The following LTBP4 variants were observed in gnomAD, a reference collection of about 807,000 sequenced individuals.
LTBP4 encodes latent-transforming growth factor beta-binding protein 4.
A neutral mutation model predicts 180.2 loss-of-function variants in LTBP4; 93 were observed. The ratio of observed to expected loss-of-function variants is 0.52; its 90% confidence interval spans 0.44 to 0.61. The LOEUF (loss-of-function observed/expected upper bound fraction) is 0.61. LTBP4 is among the 20% of genes least tolerant of loss of function. The pLI is 0.00. For missense variants in LTBP4, 2,116 were observed against 2,256.5 expected (o/e 0.94, Z 1.26); for synonymous variants, 947 against 934.5 (o/e 1.01, Z -0.24).
chr19:40,610,699 T>C, intron 12 of LTBP4, 42 bp downstream of exon 12: 2 of 1,549,994 alleles, frequency 1.3e-6, no homozygotes, highest in East Asian at 4.5e-5. Flanking sequence ...GTGTGAGCGG[T>C]TGGGTAGAGC....
chr19:40,626,002 G>A lies in LTBP4; in HGVS notation c.3978G>A (p.Gln1326=), dbSNP rs755776920. 4.4e-6 allele frequency: 7 copies of A among 1,601,170 alleles called. No homozygotes were observed. The highest frequency in any genetic ancestry group is 6.0e-6 in the Non-Finnish European group (7 of 1,175,076). The stretch of plus-strand genomic sequence containing the variant: ...TGGACTGCGCCCTCTGCCCTGCGCA[G>A]GACTCAGGTGCTGGCACTGGCCTAG... The part of the protein sequence containing the change: ...WGMDCALCPA[Q]DSDDFEALCN... Residue 1326 remains glutamine, a synonymous_variant, in exon 27 of 30, where the codon CAG becomes CAA. Transcript: ENST00000396819.
Position 40,613,506 on chromosome 19 carries a change from G to C in LTBP4, c.2534G>C (p.Gly845Ala), listed in dbSNP as rs772023856. Residue 845 changes from glycine (G) to alanine (A), a missense_variant, in exon 17 of 30, where the codon GGA becomes GCA. Physicochemically the swap from Gly to Ala is moderately conservative, Grantham distance 60. This residue lies in a region of LTBP4 where 877 missense variants were observed against 873.6 expected (regional missense o/e 1.00). Transcript: ENST00000396819. This position sits in a 1 kb window ranked among gnomAD's most constrained non-coding sequence, Gnocchi z 5.0. The part of the protein sequence containing the change: ...ACTCAPGYRP[G>A]PRGASCLDVD... Reference sequence around the variant, plus strand: ...ACTTGTGCCCCTGGCTACCGACCCGGACCCCGCGGAGCCTCTTGCCTCGGT... The same window carrying C: ...ACTTGTGCCCCTGGCTACCGACCCGCACCCCGCGGAGCCTCTTGCCTCGGT... 35 of 1,574,906 alleles carry C rather than the reference G, an allele frequency of 2.2e-5. No homozygotes were observed. Among genetic ancestry groups the C allele is most frequent in the Non-Finnish European group, 2.8e-5 (33 of 1,161,250 alleles).
chr19:40,606,235 A>T lies in LTBP4; in HGVS notation c.796A>T (p.Asn266Tyr). The change falls in exon 5 of 30, where the codon AAC becomes TAC. Residue 266 changes from asparagine (N) to tyrosine (Y), a missense_variant and splice_region_variant. By Grantham distance (143) the Asn-to-Tyr change is moderately radical. This residue lies in a region of LTBP4 where 469 missense variants were observed against 532.5 expected (regional missense o/e 0.88). Coordinates refer to ENST00000396819, the MANE Select transcript of LTBP4 (RefSeq NM_001042545.2). ...DCQLCSERLG[N>Y]SERVSAPDGP... is the part of the protein sequence containing the mutation. ...CCACCCCTCTCCTCTCGCCACAGGGAACTCCGAAAGAGTGAGCGCCCCAGA... is the reference window on the plus strand; with the variant it reads ...CCACCCCTCTCCTCTCGCCACAGGGTACTCCGAAAGAGTGAGCGCCCCAGA... The T allele has an allele frequency of 6.3e-7, 1 of 1,586,604 alleles. No homozygotes were observed. The highest frequency in any genetic ancestry group is 1.2e-5 in the South Asian group (1 of 86,688).
At position 40,629,192 on chromosome 19, in the gene LTBP4, A is replaced by G. The variant is rs1383311289; in HGVS notation, c.4520-204A>G. Among the ~76,000 whole-genome samples the G allele has an allele frequency of 6.6e-6, 1 of 152,170 alleles. No homozygotes were observed. Among genetic ancestry groups the G allele is most frequent in the East Asian group, 1.9e-4 (1 of 5,188 alleles). On this transcript the variant is annotated intron_variant, in intron 29 of 29. Transcript: ENST00000396819. The surrounding 1 kb of genome is among the most constrained non-coding windows in gnomAD (Gnocchi z 4.5). ...AAATCCTAGTGCGGTATGGGCCACC[A>G]TATCCATCTTACAGAACACGAAACT...
At position 40,624,026 on chromosome 19, in the gene LTBP4, C is replaced by T. The variant is rs778231525; in HGVS notation, c.3776C>T (p.Pro1259Leu). Residue 1259 changes from proline (P) to leucine (L), a missense_variant, in exon 26 of 30, where the codon CCA (proline) becomes CTA (leucine). Pro to Leu is a moderately conservative substitution (Grantham distance 98). Transcript: ENST00000396819. ...TCTTATCACTGTACCTGCGAGCCCC[C>T]ACTGGTGCTGGATGGCTCGCAGCGC... ...VGSYHCTCEP[P>L]LVLDGSQRRC... 1.0e-5 allele frequency: 16 copies of T among 1,607,894 alleles called. No homozygotes were observed. The highest frequency in any genetic ancestry group is 1.3e-5 in the African/African-American group (1 of 74,840).
rs2081619131 is a variant in LTBP4, at chr19:40,625,277, TATATATATATATATATATATATA to T, written c.3833-579_3833-557del. ...TTATATATATATATATATATATATA[TATATATATATATATATATATATA>T]TATATATATATATATATTTTTTTTT... On this transcript the variant is annotated intron_variant, in intron 26 of 29. Transcript: ENST00000396819. Among the ~76,000 whole-genome samples the T allele has an allele frequency of 8.1e-3, 62 of 7,674 alleles. 13 individuals are homozygous for T. Among genetic ancestry groups the T allele is most frequent in the African/African-American group, 0.035 (56 of 1,606 alleles). 5.0% of individuals were successfully genotyped at this position (7,674 alleles called of 152,430 possible).
At chr19:40,627,461 A>C (rs1473069657) in intron 28 of LTBP4, 106 bp downstream of exon 28, 4 of 1,377,438 alleles carry the variant, frequency 2.9e-6, no homozygotes, top group Non-Finnish European at 3.8e-6. Context: ...CACAGGTGCA[A>C]CTGGAGAGAG....
In LTBP4 at chr19:40,629,154, T is replaced by C. The variant is rs2081658572; in HGVS notation, c.4520-242T>C. On this transcript the variant is annotated intron_variant, in intron 29 of 29. Coordinates refer to ENST00000396819, the MANE Select transcript of LTBP4 (RefSeq NM_001042545.2). The surrounding 1 kb of genome is among the most constrained non-coding windows in gnomAD (Gnocchi z 4.5). Reference sequence around the variant, plus strand: ...ATGAGCCACCGCGCCCGGCCATTATTATTTTCTTAACAAAATCCTAGTGCG... The same window carrying C: ...ATGAGCCACCGCGCCCGGCCATTATCATTTTCTTAACAAAATCCTAGTGCG... Among the ~76,000 whole-genome samples, 1 of 152,120 alleles carries C rather than the reference T, an allele frequency of 6.6e-6. No individual in the cohort carries two copies. The highest frequency in any genetic ancestry group is 2.1e-4 in the South Asian group (1 of 4,816).
Position 40,619,329 on chromosome 19 carries a change from G to T in LTBP4, c.3071-18G>T. ...TATAACCACTGAGTCCCTCTCCCCT[G>T]TTGTCTCCTGCTTACAGATGTGAAC... On this transcript the variant is annotated intron_variant, in intron 21 of 29. Transcript: ENST00000396819. The T allele has an allele frequency of 6.2e-7, 1 of 1,611,514 alleles. No individual in the cohort carries two copies. Among genetic ancestry groups the T allele is most frequent in the Non-Finnish European group, 8.5e-7 (1 of 1,178,074 alleles).
chr19:40,610,386 C>T, intron 11 of LTBP4, 146 bp from the exon 12 acceptor site: 4 of 901,250 alleles, frequency 4.4e-6, no homozygotes, highest in Non-Finnish European at 6.6e-6. Flanking sequence ...TCTCACTGTG[C>T]CCCTCTCCGG....
Position 40,610,628 on chromosome 19 carries a change from A to G in LTBP4, c.1781A>G (p.Gln594Arg). 1 of 1,586,606 alleles carries G rather than the reference A, an allele frequency of 6.3e-7. No homozygotes were observed. Among genetic ancestry groups the G allele is most frequent in the South Asian group, 1.1e-5 (1 of 89,132 alleles). Residue 594 changes from glutamine to arginine, a missense_variant, in exon 12 of 30, where the codon CAG becomes CGG. By Grantham distance (43) the Gln-to-Arg change is conservative. Transcript: ENST00000396819. ...SFLCVCPAGY[Q>R]AAPHGASCQD... Reference sequence around the variant, plus strand: ...CTGTGCGTGTGCCCCGCCGGGTACCAGGCTGCACCGCACGGAGCCAGCTGC... The same window carrying G: ...CTGTGCGTGTGCCCCGCCGGGTACCGGGCTGCACCGCACGGAGCCAGCTGC...
chr19:40,606,461 G>A lies in LTBP4; in HGVS notation c.926G>A (p.Arg309His). 6.3e-7 allele frequency: 1 copy of A among 1,585,110 alleles called. No homozygotes were observed. Among genetic ancestry groups the A allele is most frequent in the African/African-American group, 1.3e-5 (1 of 74,354 alleles). ...RCQHGECANTRGGYTCVCPDG... is the reference protein window; with the variant it reads ...RCQHGECANTHGGYTCVCPDG... The stretch of plus-strand genomic sequence containing the variant: ...CAGCACGGCGAGTGTGCAAACACGC[G>A]CGGCGGGTACACGTGTGTGTGCCCC... Residue 309 changes from arginine to histidine, a missense_variant, in exon 6 of 30, where the codon CGC becomes CAC. Coordinates refer to ENST00000396819, the MANE Select transcript of LTBP4 (RefSeq NM_001042545.2).
chr19:40,613,763 CG>C lies in LTBP4; in HGVS notation c.2558-147del. On this transcript the variant is annotated intron_variant, in intron 17 of 29. Coordinates refer to ENST00000396819, the MANE Select transcript of LTBP4 (RefSeq NM_001042545.2). This position sits in a 1 kb window ranked among gnomAD's most constrained non-coding sequence, Gnocchi z 5.0. Reference sequence around the variant, plus strand: ...TGTAAAGAAGCTGTTCTAAACCCGTCGGGGGGCGGTGTTTGCAGGGAGGGAA... The same window carrying C: ...TGTAAAGAAGCTGTTCTAAACCCGTCGGGGGCGGTGTTTGCAGGGAGGGAA... 3 of 1,308,030 alleles carry C rather than the reference CG, an allele frequency of 2.3e-6. No individual in the cohort carries two copies. The highest frequency in any genetic ancestry group is 1.5e-5 in the African/African-American group (1 of 68,526). The allele number at this position is 1,308,030 out of a possible 1,614,324, so 81.0% of individuals were successfully genotyped here.
chr19:40,608,509 G>T lies in LTBP4; in HGVS notation c.1332G>T (p.Glu444Asp). Residue 444 changes from glutamate (E) to aspartate (D), a missense_variant, in exon 9 of 30, where the codon GAG becomes GAT. Glu to Asp is a conservative substitution (Grantham distance 45). Coordinates refer to ENST00000396819, the MANE Select transcript of LTBP4 (RefSeq NM_001042545.2). Reference protein sequence around the residue: ...SAGFLPTHRLEPRPEPRPDPR... With the variant: ...SAGFLPTHRLDPRPEPRPDPR... ...GCTTTCTGCCCACCCATCGCCTGGAGCCCCGGCCTGAACCCCGGCCCGATC... is the reference window on the plus strand; with the variant it reads ...GCTTTCTGCCCACCCATCGCCTGGATCCCCGGCCTGAACCCCGGCCCGATC... The T allele has an allele frequency of 1.2e-6, 2 of 1,605,916 alleles. No individual in the cohort carries two copies. Among genetic ancestry groups the T allele is most frequent in the Non-Finnish European group, 1.7e-6 (2 of 1,176,480 alleles).
chr19:40,599,631 C>A, upstream of LTBP4: 1 of 1,414,888 alleles, frequency 7.1e-7, no homozygotes, highest in Non-Finnish European at 9.8e-7. Context: ...CGCTCCTCCT[C>A]CCTTCCCCTC....
rs1347098041 is a variant in LTBP4, at chr19:40,607,669, C to T, written c.1156+140C>T. ...TGGCCACGCAGCAGCCTCTGAGACC[C>T]GCAGGCCTCAGACTGGACAGCATCC... On this transcript the variant is annotated intron_variant, in intron 7 of 29. Transcript: ENST00000396819. 7 of 924,874 alleles carry T rather than the reference C, an allele frequency of 7.6e-6. No individual in the cohort carries two copies. The East Asian group carries it at 1.6e-4, about 21-fold the overall frequency. 57.3% of individuals were successfully genotyped at this position (924,874 alleles called of 1,614,324 possible).
intron 1 of LTBP4, among the ~76,000 whole-genome samples, chr19:40,595,624 G>T (rs182402971): frequency 1.3e-4 from 20 of 152,154 alleles, no homozygotes; most frequent in Non-Finnish European, 2.5e-4. Flanking sequence ...CTGGAACCCC[G>T]GTGTGGACGG....
upstream of LTBP4, among the ~76,000 whole-genome samples, chr19:40,598,207 C>A (rs1235928958): frequency 6.6e-6 from 1 of 151,826 alleles, no homozygotes; most frequent in South Asian, 2.1e-4. Context: ...GTTTAGTAAC[C>A]CGAGCCGCGG....
Position 40,605,976 on chromosome 19 carries a change from T to C in LTBP4, c.793+145T>C. 1.0e-6 allele frequency: 1 copy of C among 996,596 alleles called. No individual in the cohort carries two copies. Among genetic ancestry groups the C allele is most frequent in the Non-Finnish European group, 1.4e-6 (1 of 690,512 alleles). 61.7% of individuals were successfully genotyped at this position (996,596 alleles called of 1,614,324 possible). On this transcript the variant is annotated intron_variant, in intron 4 of 29. Transcript: ENST00000396819. The surrounding 1 kb of genome is among the most constrained non-coding windows in gnomAD (Gnocchi z 5.5). ...TGGAGGCGACTTCCAGTCCTGAGCT[T>C]TTCATACCGCTCTGGGACCACCCAC... is the stretch of plus-strand genomic sequence containing the variant.
Sources: gnomAD v4.1 joint callset for allele counts (sites outside exome capture counted in the v4.1 genomes callset) on GRCh38, gnomAD v4.1.1 for gene constraint, gnomAD v4.1.1 regional missense constraint, Gnocchi (gnomAD v3.1) non-coding constraint, MANE v1.5 for transcripts, NCBI Gene and HGNC (gene_info 2026-07-23, HGNC 2026-07-21) for gene names.